Variants in PACSIN2 observed in about 807,000 individuals in gnomAD.
PACSIN2 encodes protein kinase C and casein kinase substrate in neurons protein 2.
PACSIN2 carries 25 observed loss-of-function variants against 63.8 expected under a neutral mutation model. The observed-to-expected ratio is 0.39, with a 90% CI of 0.29 to 0.55. The LOEUF is 0.55. Among genes scored for constraint, PACSIN2 ranks in the 20% least tolerant of loss-of-function variants. The pLI, the probability that PACSIN2 is intolerant of heterozygous loss-of-function variation, is 0.62. For synonymous variants in PACSIN2, 255 were observed against 256.2 expected, an observed-to-expected ratio of 1.00 and a Z score of 0.05; for missense variants, 518 against 646.9, an observed-to-expected ratio of 0.80 and a Z score of 2.16.
intron 1 of PACSIN2, among the ~76,000 whole-genome samples, chr22:42,973,396 G>A (rs118169995): frequency 0.033 from 4,930 of 149,722 alleles, 124 homozygotes; most frequent in Non-Finnish European, 0.047. Context: ...CCAGTGCTCT[G>A]AATTATGCAA....
intron 5 of PACSIN2, among the ~76,000 whole-genome samples, chr22:42,887,552 C>A (rs1024404815): frequency 1.3e-5 from 2 of 152,132 alleles, no homozygotes; most frequent in Non-Finnish European, 2.9e-5. Context: ...TCTCTCTCTG[C>A]AAATCCTGGT....
At chr22:42,911,367 G>T (rs1399473348) in intron 2 of PACSIN2, among the ~76,000 whole-genome samples, 1 of 148,660 alleles carries the variant, frequency 6.7e-6, no homozygotes. Context: ...CCATGATGGT[G>T]CCACTGAACT....
intron 1 of PACSIN2, among the ~76,000 whole-genome samples, chr22:42,913,466 C>G (rs1008305490): frequency 8.5e-6 from 1 of 117,368 alleles, no homozygotes; most frequent in Non-Finnish European, 1.6e-5. Context: ...GCAACAAGAG[C>G]GAAACTCCGT....
chr22:42,941,622 C>T (rs887412460), intron 1 of PACSIN2, among the ~76,000 whole-genome samples: 1 of 152,142 alleles, frequency 6.6e-6, no homozygotes, highest in Non-Finnish European at 1.5e-5. Context: ...GATTTTGATT[C>T]GTGTTTCCCT....
At chr22:42,937,563 C>A (rs1437690679) in intron 1 of PACSIN2, among the ~76,000 whole-genome samples, 1 of 152,162 alleles carries the variant, frequency 6.6e-6, no homozygotes, top group Non-Finnish European at 1.5e-5. Flanking sequence ...GTGACTACCA[C>A]ACACTGAATC....
intron 6 of PACSIN2, among the ~76,000 whole-genome samples, 180 bp from the exon 7 acceptor site, chr22:42,882,484 A>G (rs1047537401): frequency 2.6e-5 from 4 of 152,148 alleles, no homozygotes; most frequent in Non-Finnish European, 5.9e-5. Flanking sequence ...ACGTGCACAG[A>G]TGGCTCCTGA....
intron 1 of PACSIN2, among the ~76,000 whole-genome samples, chr22:42,923,694 T>C (rs148615305): frequency 0.011 from 1,607 of 152,286 alleles, 29 homozygotes; most frequent in African/African-American, 0.036. Flanking sequence ...CCCAAAGTGC[T>C]GGCATTACAG....
At chr22:42,989,820 GA>G (rs1004840932) in intron 1 of PACSIN2, among the ~76,000 whole-genome samples, 10 of 90,634 alleles carry the variant, frequency 1.1e-4, no homozygotes, top group Non-Finnish European at 1.7e-4. Context: ...AAACAAGAAA[GA>G]AAAAAAAAAG....
chr22:42,922,629 A>C (rs1601524956), intron 1 of PACSIN2, among the ~76,000 whole-genome samples: 1 of 151,912 alleles, frequency 6.6e-6, no homozygotes, highest in African/African-American at 2.4e-5. Context: ...ATCTGGGGGG[A>C]GATTCTTCAG....
At chr22:43,001,259 G>A (rs1923749195) in intron 1 of PACSIN2, among the ~76,000 whole-genome samples, 1 of 152,178 alleles carries the variant, frequency 6.6e-6, no homozygotes, top group Non-Finnish European at 1.5e-5. Context: ...GGGAGTAACC[G>A]CCAGCTTAGC....
In PACSIN2 at chr22:42,981,699, C is replaced by A. The variant is rs1321856053; in HGVS notation, c.-78+33322G>T. On this transcript the variant is annotated intron_variant, in intron 1 of 10. Transcript: ENST00000263246. ...GCCGCCCCGTCCGGGAGGTGAGGGG[C>A]TCCTCTGCCCGGCCGCCCCTACTGG... Among the ~76,000 whole-genome samples, 5 of 101,450 alleles carry A rather than the reference C, an allele frequency of 4.9e-5. No homozygotes were observed. In the East Asian group the frequency reaches 1.6e-3, roughly 33 times the overall value. 66.6% of individuals were successfully genotyped at this position (101,450 alleles called of 152,430 possible). A position where few individuals can be genotyped will look rare whatever the true frequency, so the allele number is the denominator to read the frequency against.
intron 1 of PACSIN2, among the ~76,000 whole-genome samples, chr22:42,981,524 G>T (rs1259786032): frequency 2.0e-5 from 2 of 101,956 alleles, no homozygotes; most frequent in African/African-American, 8.4e-5. Flanking sequence ...AGGGAGGTGG[G>T]GGGGTCAGCC....
At chr22:42,967,748 C>T (rs1293313633) in intron 1 of PACSIN2, among the ~76,000 whole-genome samples, 1 of 151,910 alleles carries the variant, frequency 6.6e-6, no homozygotes, top group East Asian at 1.9e-4. Flanking sequence ...ATTAGCCGGG[C>T]GTGGGGGTGG....
intron 10 of PACSIN2, among the ~76,000 whole-genome samples, chr22:42,874,547 C>T (rs1302698662): frequency 2.0e-5 from 3 of 152,174 alleles, no homozygotes; most frequent in African/African-American, 7.2e-5. Flanking sequence ...TGAGACAAGG[C>T]CCCACCTGGC....
intron 1 of PACSIN2, among the ~76,000 whole-genome samples, chr22:42,980,651 T>G (rs905058891): frequency 8.4e-6 from 1 of 118,408 alleles, no homozygotes; most frequent in African/African-American, 3.3e-5. Flanking sequence ...CACGCCTGAC[T>G]GGTTTTCGTT....
intron 10 of PACSIN2, 69 bp downstream of exon 10, chr22:42,876,065 AAAC>A: frequency 7.2e-7 from 1 of 1,389,076 alleles, no homozygotes; most frequent in Non-Finnish European, 9.9e-7. Flanking sequence ...CAGACTTAAA[AAAC>A]AAAAAAGACC....
rs189546827 is a variant in PACSIN2, at chr22:42,986,176, C to T, written c.-78+28845G>A. Among the ~76,000 whole-genome samples, 4 of 152,260 alleles carry T rather than the reference C, an allele frequency of 2.6e-5. No homozygotes were observed. In the South Asian group the frequency reaches 6.2e-4, roughly 24 times the overall value. ...AAGAAAAGGAAGACCAGGAACTATGCTAGGAGATTTAAAAGAGGTAAATGA... is the reference window on the plus strand; with the variant it reads ...AAGAAAAGGAAGACCAGGAACTATGTTAGGAGATTTAAAAGAGGTAAATGA... On this transcript the variant is annotated intron_variant, in intron 1 of 10. Coordinates refer to ENST00000263246, the MANE Select transcript of PACSIN2 (RefSeq NM_001184970.3).
intron 1 of PACSIN2, among the ~76,000 whole-genome samples, chr22:42,996,854 G>A (rs1366655683): frequency 6.6e-6 from 1 of 152,218 alleles, no homozygotes; most frequent in East Asian, 1.9e-4. Flanking sequence ...TCCTAGGTAT[G>A]AGGCCTAGGC....
Position 42,876,198 on chromosome 22 carries a change from C to T in PACSIN2, c.1287G>A (p.Val429=). 1 of 1,614,208 alleles carries T rather than the reference C, an allele frequency of 6.2e-7. No homozygotes were observed. The highest frequency in any genetic ancestry group is 8.5e-7 in the Non-Finnish European group (1 of 1,180,050). The change falls in exon 10 of 11, where the codon GTG becomes GTA. Residue 429 remains valine, a synonymous_variant. Transcript: ENST00000263246. ...FDDDATSGTE[V]RVRALYDYEG... ...CATAGTCATACAGGGCCCGGACTCG[C>T]ACTTCCGTCCCCGAGGTGGCGTCGT...
Sources: allele counts gnomAD v4.1 joint callset (sites outside exome capture counted in the v4.1 genomes callset), GRCh38; gene constraint gnomAD v4.1.1; transcripts MANE v1.5; gene names NCBI Gene and HGNC (gene_info 2026-07-23, HGNC 2026-07-21).